RFC5: variants seen among roughly 807,000 people sequenced by gnomAD.
RFC5 encodes replication factor C subunit 5.
In RFC5, 26 loss-of-function variants were observed where a neutral mutation model predicts 44.3. That is an observed-to-expected ratio of 0.59 (90% CI 0.43 to 0.81). The LOEUF (loss-of-function observed/expected upper bound fraction) is 0.81. RFC5 is among the 40% of genes least tolerant of loss of function. The pLI is 0.00. For missense variants in RFC5, 328 were observed against 418.6 expected, an observed-to-expected ratio of 0.78 and a Z score of 1.89; for synonymous variants, 155 against 155.2, an observed-to-expected ratio of 1.00 and a Z score of 0.01.
chr12:118,022,994 T>C (rs2030620498), intron 5 of RFC5, among the ~76,000 whole-genome samples: 1 of 152,184 alleles, frequency 6.6e-6, no homozygotes. Flanking sequence ...CCTTTGACAC[T>C]GGGTTCAATT....
chr12:118,029,949 T>C, intron 10 of RFC5, 124 bp downstream of exon 10: 1 of 745,032 alleles, frequency 1.3e-6, no homozygotes, highest in African/African-American at 1.7e-5. Context: ...TACAATCTAG[T>C]CTGGTGATAT....
the RFC5 span, among the ~76,000 whole-genome samples, chr12:118,039,133 G>A: frequency 6.6e-6 from 1 of 152,122 alleles, no homozygotes; most frequent in African/African-American, 2.4e-5. Flanking sequence ...GCTCCAGACT[G>A]TCACCCTCCC....
downstream of RFC5, among the ~76,000 whole-genome samples, chr12:118,037,662 C>CT (rs2031542852): frequency 7.0e-6 from 1 of 143,754 alleles, no homozygotes; most frequent in Non-Finnish European, 1.5e-5. Context: ...CAGCGAAACT[C>CT]TGTCTAAAAA....
chr12:118,034,583 G>GTCTCTCTCTC, downstream of RFC5: 1 of 537,440 alleles, frequency 1.9e-6, no homozygotes, highest in African/African-American at 1.9e-5. Flanking sequence ...CGCTCTCTCT[G>GTCTCTCTCTC]TCTCTCTCTC....
intron 1 of RFC5, chr12:118,017,874 T>A: frequency 3.0e-6 from 2 of 667,566 alleles, no homozygotes; most frequent in Non-Finnish European, 5.5e-6. Flanking sequence ...TGGCATTAAG[T>A]ACATTCAGAA....
Position 118,021,192 on chromosome 12 carries a change from T to C in RFC5, c.347+207T>C, listed in dbSNP as rs551440896. On this transcript the variant is annotated intron_variant, in intron 4 of 10. Transcript: ENST00000454402. ...GTTAAAATAAAATGTTATCTACGCT[T>C]GTATTAGCAAGTTTGTTTTTTTTTT... Among the ~76,000 whole-genome samples, 11 of 152,180 alleles carry C rather than the reference T, an allele frequency of 7.2e-5. No individual in the cohort carries two copies. The South Asian group carries it at 2.3e-3, about 32-fold the overall frequency.
At chr12:118,038,218 C>G in the RFC5 span, 1 of 1,450,386 alleles carries the variant, frequency 6.9e-7, no homozygotes. Context: ...TGAGAACACT[C>G]ACACACACCA....
At position 118,031,226 on chromosome 12, in the gene RFC5, C is replaced by T. The variant is rs773264483; in HGVS notation, c.971C>T (p.Ser324Phe). 3.1e-6 allele frequency: 5 copies of T among 1,613,958 alleles called. No homozygotes were observed. The South Asian group carries it at 5.5e-5, about 18-fold the overall frequency. The part of the protein sequence containing the change: ...VGTNEKIQLS[S>F]LIAAFQVTRD... ...ACCAACGAGAAGATCCAGCTGAGCT[C>T]CCTCATTGCTGCATTTCAAGTCACC... Residue 324 changes from serine to phenylalanine, a missense_variant, in exon 11 of 11, where the codon TCC (serine) becomes TTC (phenylalanine). By Grantham distance (155) the Ser-to-Phe change is radical. Transcript: ENST00000454402.
At chr12:118,034,925 A>G, downstream of RFC5, 1 of 1,500,824 alleles carries the variant, frequency 6.7e-7, no homozygotes, top group Non-Finnish European at 9.1e-7. Flanking sequence ...CTTTCCTTAA[A>G]AAGCTCCATG....
chr12:118,023,079 C>CT (rs5745833), intron 5 of RFC5, among the ~76,000 whole-genome samples: 114,871 of 151,726 alleles, frequency 0.76, 44,026 homozygotes, highest in African/African-American at 0.86. Flanking sequence ...TCAGATAGTC[C>CT]TTCTGCTAAT....
downstream of RFC5, chr12:118,034,901 A>G: frequency 7.4e-7 from 1 of 1,345,410 alleles, no homozygotes. Context: ...AGGCAAGAAA[A>G]TTCTAGATGG....
chr12:118,034,393 C>T, downstream of RFC5: 1 of 1,604,492 alleles, frequency 6.2e-7, no homozygotes, highest in Non-Finnish European at 8.5e-7. Context: ...TAAGACAGAG[C>T]TTGGATGTTC....
At chr12:118,033,547 TAAAAAAA>T (rs35299550), downstream of RFC5, 1 of 130,852 alleles carries the variant, frequency 7.6e-6, no homozygotes, top group Non-Finnish European at 1.7e-5. Flanking sequence ...ACACCATTGT[TAAAAAAA>T]AAAAAAAAAA....
chr12:118,033,545 G>GT (rs1366464147), downstream of RFC5: 108 of 131,592 alleles, frequency 8.2e-4, no homozygotes, highest in African/African-American at 3.1e-3. Flanking sequence ...GCACACCATT[G>GT]TTAAAAAAAA....
At chr12:118,035,280 A>T, downstream of RFC5, 1 of 1,614,214 alleles carries the variant, frequency 6.2e-7, no homozygotes, top group Non-Finnish European at 8.5e-7. Flanking sequence ...CAGTGAGCTA[A>T]TGTGGACGTC....
At chr12:118,030,763 T>G (rs1162218807) in intron 10 of RFC5, among the ~76,000 whole-genome samples, 1 of 152,108 alleles carries the variant, frequency 6.6e-6, no homozygotes, top group Non-Finnish European at 1.5e-5. Context: ...CTCAGCCTCC[T>G]GAGGAGCTGG....
At chr12:118,027,544 T>C (rs1282661292) in intron 8 of RFC5, among the ~76,000 whole-genome samples, 1 of 151,504 alleles carries the variant, frequency 6.6e-6, no homozygotes, top group Non-Finnish European at 1.5e-5. Context: ...TGGTGGTGGG[T>C]GCCTGTAGTT....
intron 5 of RFC5, 58 bp downstream of exon 5, chr12:118,022,417 G>C: frequency 8.3e-7 from 1 of 1,204,554 alleles, no homozygotes; most frequent in Non-Finnish European, 1.2e-6. Flanking sequence ...GGAGAATTAG[G>C]AACTTTGTGT....
intron 1 of RFC5, chr12:118,017,874 T>C: frequency 6.0e-6 from 4 of 667,566 alleles, no homozygotes; most frequent in Non-Finnish European, 1.1e-5. Context: ...TGGCATTAAG[T>C]ACATTCAGAA....
Sources: gnomAD v4.1 joint callset for allele counts (sites outside exome capture counted in the v4.1 genomes callset) on GRCh38, gnomAD v4.1.1 for gene constraint, MANE v1.5 for transcripts, NCBI Gene and HGNC (gene_info 2026-07-23, HGNC 2026-07-21) for gene names.